The following IMPA1 variants were observed in gnomAD, a reference collection of about 807,000 sequenced individuals.
IMPA1 encodes inositol monophosphatase 1.
IMPA1 carries 21 observed loss-of-function variants against 34.9 expected under a neutral mutation model. That is an observed-to-expected ratio of 0.60 (90% CI 0.43 to 0.87). The LOEUF is 0.87. Ranked by LOEUF, IMPA1 falls within the 40% of genes least tolerant of loss-of-function variation. The pLI is 0.00. For synonymous variants in IMPA1, 95 were observed against 104.4 expected, an observed-to-expected ratio of 0.91 and a Z score of 0.55; for missense variants, 299 against 336.4, an observed-to-expected ratio of 0.89 and a Z score of 0.87.
intron 7 of IMPA1, among the ~76,000 whole-genome samples, chr8:81,669,225 C>A (rs1416756093): frequency 6.6e-6 from 1 of 152,138 alleles, no homozygotes; most frequent in African/African-American, 2.4e-5. Context: ...AGAGTCCCCA[C>A]TAGGGTAATG....
At chr8:81,679,000 A>G in intron 4 of IMPA1, 126 bp downstream of exon 4, 1 of 608,672 alleles carries the variant, frequency 1.6e-6, no homozygotes, top group Non-Finnish European at 2.9e-6. Flanking sequence ...TATATACTTT[A>G]TTAGAATAAA....
chr8:81,657,460 G>A lies in IMPA1; in HGVS notation c.*1891C>T, dbSNP rs1002332879. On this transcript the variant is annotated 3_prime_UTR_variant, in exon 9 of 9. Coordinates refer to ENST00000256108, the MANE Select transcript of IMPA1 (RefSeq NM_005536.4). ...GCCAGGCATGGTGGCATGTGCCTGT[G>A]GTTCCAGTTACTAGGGAGGCTGAGG... Among the ~76,000 whole-genome samples, 5 of 151,578 alleles carry A rather than the reference G, an allele frequency of 3.3e-5. No individual in the cohort carries two copies. The highest frequency in any genetic ancestry group is 4.8e-5 in the African/African-American group (2 of 41,252).
At chr8:81,673,535 G>T (rs777018483) in intron 6 of IMPA1, among the ~76,000 whole-genome samples, 2 of 152,066 alleles carry the variant, frequency 1.3e-5, no homozygotes, top group Non-Finnish European at 2.9e-5. Context: ...CTTAACTTCG[G>T]CAAAATAAAC....
chr8:81,679,465 T>C (rs369195637), intron 3 of IMPA1, among the ~76,000 whole-genome samples: 1 of 151,548 alleles, frequency 6.6e-6, no homozygotes, highest in East Asian at 2.0e-4. Flanking sequence ...ATACAAAAAT[T>C]AGCCGGGCAT....
At chr8:81,659,570 T>A in intron 8 of IMPA1, 104 bp from the exon 9 acceptor site, 1 of 657,414 alleles carries the variant, frequency 1.5e-6, no homozygotes, top group South Asian at 1.8e-5. Flanking sequence ...TTTTAATACT[T>A]TCAGTTTTCT....
chr8:81,662,060 G>C (rs1806696426), intron 7 of IMPA1, among the ~76,000 whole-genome samples: 2 of 152,178 alleles, frequency 1.3e-5, no homozygotes, highest in South Asian at 4.1e-4. Flanking sequence ...ATTTTAAAAA[G>C]GATTAGAATA....
In IMPA1 at chr8:81,679,175, G is replaced by A; in HGVS notation, c.253C>T (p.Pro85Ser). The A allele has an allele frequency of 6.2e-7, 1 of 1,613,964 alleles. No homozygotes were observed. Among genetic ancestry groups the A allele is most frequent in the Non-Finnish European group, 8.5e-7 (1 of 1,179,882 alleles). Residue 85 changes from proline (P) to serine (S), a missense_variant, in exon 4 of 9, where the codon CCC (proline) becomes TCC (serine). Transcript: ENST00000256108. ...TCAATAGGGTCAATGATCCATGTGGGGTTGTCGGTTAAGATACTTTTTTCC... is the reference window on the plus strand; with the variant it reads ...TCAATAGGGTCAATGATCCATGTGGAGTTGTCGGTTAAGATACTTTTTTCC... The part of the protein sequence containing the change: ...AGEKSILTDN[P>S]TWIIDPIDGT...
intron 7 of IMPA1, among the ~76,000 whole-genome samples, chr8:81,667,161 T>C (rs1339395126): frequency 2.0e-5 from 3 of 152,114 alleles, no homozygotes; most frequent in Admixed American, 2.0e-4. Context: ...CTTTTGGCTA[T>C]ATACTGAATG....
chr8:81,685,652 T>C, intron 1 of IMPA1: 1 of 371,378 alleles, frequency 2.7e-6, no homozygotes, highest in Non-Finnish European at 4.1e-6. Context: ...ATAAAGTATA[T>C]AAGTACATTT....
At chr8:81,685,917 A>C in intron 1 of IMPA1, 1 of 1,543,146 alleles carries the variant, frequency 6.5e-7, no homozygotes. Flanking sequence ...CTGCCCCATC[A>C]CTTAGAGTGA....
intron 7 of IMPA1, among the ~76,000 whole-genome samples, chr8:81,666,495 A>G (rs2300494): frequency 0.046 from 7,023 of 152,352 alleles, 210 homozygotes; most frequent in East Asian, 0.14. Flanking sequence ...GCAATGCTGT[A>G]TATGACAGGC....
chr8:81,681,555 A>G lies in IMPA1; in HGVS notation c.6T>C (p.Ala2=), dbSNP rs907650585. Reference sequence around the variant, plus strand: ...AATCCATGCATTCCTGCCAAGGATCAGCCATCTTCTGAAAATATTTGACAA... The same window carrying G: ...AATCCATGCATTCCTGCCAAGGATCGGCCATCTTCTGAAAATATTTGACAA... The part of the protein sequence containing the change: M[A]DPWQECMDYA... Residue 2 remains alanine (A), a synonymous_variant, in exon 2 of 9, where the codon GCT becomes GCC. Transcript: ENST00000256108. 2 of 1,606,204 alleles carry G rather than the reference A, an allele frequency of 1.2e-6. No homozygotes were observed. The highest frequency in any genetic ancestry group is 1.3e-5 in the African/African-American group (1 of 74,784).
chr8:81,668,539 G>GC (rs1182323859), intron 7 of IMPA1, among the ~76,000 whole-genome samples: 1 of 152,170 alleles, frequency 6.6e-6, no homozygotes, highest in Non-Finnish European at 1.5e-5. Context: ...GCTGCACTGA[G>GC]CTATAATTGC....
chr8:81,659,384 C>T lies in IMPA1; in HGVS notation c.801G>A (p.Gln267=). Residue 267 remains glutamine, a synonymous_variant, in exon 9 of 9, where the codon CAG becomes CAA. Coordinates refer to ENST00000256108, the MANE Select transcript of IMPA1 (RefSeq NM_005536.4). ...ILAERIAKEI[Q]VIPLQRDDED ...CGTCGTCTCGTTGCAAAGGTATAAC[C>T]TGAATTTCTTTAGCTATCCTTTCTG... The T allele has an allele frequency of 6.2e-7, 1 of 1,610,334 alleles. No individual in the cohort carries two copies. Among genetic ancestry groups the T allele is most frequent in the Non-Finnish European group, 8.5e-7 (1 of 1,176,770 alleles).
At chr8:81,675,724 T>C (rs1006389951) in intron 5 of IMPA1, among the ~76,000 whole-genome samples, 1 of 152,232 alleles carries the variant, frequency 6.6e-6, no homozygotes, top group African/African-American at 2.4e-5. Flanking sequence ...GGAAATGCTA[T>C]AGCTATATGT....
intron 1 of IMPA1, 29 bp downstream of exon 1, chr8:81,686,223 G>A (rs1249898527): frequency 8.9e-5 from 91 of 1,024,582 alleles, no homozygotes; most frequent in Non-Finnish European, 1.0e-4. Context: ...TGAACCCGGA[G>A]GGTGCGGTGA....
chr8:81,664,471 A>G (rs1420226970), intron 7 of IMPA1, among the ~76,000 whole-genome samples: 1 of 152,254 alleles, frequency 6.6e-6, no homozygotes, highest in East Asian at 1.9e-4. Context: ...GGAGGAGCAG[A>G]GGACCCACAG....
At chr8:81,683,447 T>C (rs1807360934) in intron 1 of IMPA1, among the ~76,000 whole-genome samples, 1 of 152,154 alleles carries the variant, frequency 6.6e-6, no homozygotes, top group Admixed American at 6.6e-5. Flanking sequence ...ATACCTGTTT[T>C]GAGGGAATCT....
At chr8:81,671,890 C>G (rs1287453039) in intron 6 of IMPA1, among the ~76,000 whole-genome samples, 1 of 152,134 alleles carries the variant, frequency 6.6e-6, no homozygotes, top group Non-Finnish European at 1.5e-5. Flanking sequence ...GAGCAAGACT[C>G]TGTCTCGGGA....
Sources: gnomAD v4.1 joint callset for allele counts (sites outside exome capture counted in the v4.1 genomes callset) on GRCh38, gnomAD v4.1.1 for gene constraint, MANE v1.5 for transcripts, NCBI Gene and HGNC (gene_info 2026-07-23, HGNC 2026-07-21) for gene names.